Variants in PARK7 observed in about 807,000 individuals in gnomAD.
PARK7 encodes Parkinsonism associated deglycase.
Under a neutral mutation model 20.5 loss-of-function variants are expected in PARK7, and 14 were observed. The ratio of observed to expected loss-of-function variants is 0.68; its 90% CI spans 0.45 to 1.07. The LOEUF (loss-of-function observed/expected upper bound fraction) is 1.07. PARK7 is among the 50% of genes least tolerant of loss of function. PARK7 has a pLI of 0.00. For missense variants in PARK7, 234 were observed against 238.1 expected, an observed-to-expected ratio of 0.98 and a Z score of 0.11; for synonymous variants, 98 against 84.3, an observed-to-expected ratio of 1.16 and a Z score of -0.89.
chr1:7,969,875 A>T lies in PARK7; in HGVS notation c.252+471A>T, dbSNP rs139046631. Among the ~76,000 whole-genome samples the T allele has an allele frequency of 4.1e-3, 622 of 152,004 alleles. 1 individual carries two copies. Among genetic ancestry groups the T allele is most frequent in the Non-Finnish European group, 7.3e-3 (499 of 67,980 alleles). The stretch of plus-strand genomic sequence containing the variant: ...TTATAGGCGTGAGCCACCACTCCCG[A>T]CCTCAAGAAAACATTTTTAATATTT... On this transcript the variant is annotated intron_variant, in intron 4 of 6. Coordinates refer to ENST00000338639, the MANE Select transcript of PARK7 (RefSeq NM_007262.5).
intron 3 of PARK7, among the ~76,000 whole-genome samples, chr1:7,966,857 C>T (rs960318250): frequency 2.0e-5 from 3 of 152,148 alleles, no homozygotes; most frequent in African/African-American, 7.2e-5. Flanking sequence ...TGTTTCCATG[C>T]ATAATATATA....
chr1:7,973,108 A>G lies in PARK7; in HGVS notation c.322+2145A>G, dbSNP rs538046495. Among the ~76,000 whole-genome samples the G allele has an allele frequency of 2.0e-5, 3 of 152,352 alleles. No homozygotes were observed. In the South Asian group the frequency reaches 6.2e-4, roughly 32 times the overall value. On this transcript the variant is annotated intron_variant, in intron 5 of 6. Transcript: ENST00000338639. Reference sequence around the variant, plus strand: ...CATAGATATAACCCACATAAAAGCTAAAGGGATTCTAAGACCTAAATGTTT... The same window carrying G: ...CATAGATATAACCCACATAAAAGCTGAAGGGATTCTAAGACCTAAATGTTT...
At position 7,970,895 on chromosome 1, in the gene PARK7, C is replaced by G. The variant is rs1190227330; in HGVS notation, c.254C>G (p.Ser85Cys). ...TATTTTTGGTTTTCTTTTCACTAGT[C>G]TGCTGCTGTGAAGGAGATACTGAAG... The part of the protein sequence containing the change: ...GNLGAQNLSE[S>C]AAVKEILKEQ... The change falls in exon 5 of 7, where the codon TCT (serine) becomes TGT (cysteine). Residue 85 changes from serine to cysteine, a missense_variant and splice_region_variant. Coordinates refer to ENST00000338639, the MANE Select transcript of PARK7 (RefSeq NM_007262.5). 27 of 1,614,010 alleles carry G rather than the reference C, an allele frequency of 1.7e-5. No individual in the cohort carries two copies. The highest frequency in any genetic ancestry group is 2.2e-5 in the Non-Finnish European group (26 of 1,180,018).
In PARK7 at chr1:7,969,381, C is replaced by T. The variant is rs781335529; in HGVS notation, c.229C>T (p.Leu77=). ...YDVVVLPGGN[L]GAQNLSESAA... ...TGTGGTGGTTCTACCAGGAGGTAAT[C>T]TGGGCGCACAGAATTTATCTGAGGT... Residue 77 remains leucine, a synonymous_variant, in exon 4 of 7, where the codon CTG becomes TTG. Coordinates refer to ENST00000338639, the MANE Select transcript of PARK7 (RefSeq NM_007262.5). 1.2e-6 allele frequency: 2 copies of T among 1,612,554 alleles called. No individual in the cohort carries two copies. Among genetic ancestry groups the T allele is most frequent in the Non-Finnish European group, 1.7e-6 (2 of 1,179,308 alleles).
intron 3 of PARK7, among the ~76,000 whole-genome samples, chr1:7,968,183 C>T (rs971620108): frequency 4.0e-5 from 6 of 151,072 alleles, no homozygotes; most frequent in African/African-American, 1.5e-4. Flanking sequence ...TGGTGGGTAC[C>T]TGTAATCCCA....
rs761107607 is a variant in PARK7, at chr1:7,962,825, G to A, written c.40G>A (p.Ala14Thr). ...AGCTCTGGTCATCCTGGCTAAAGGAGCAGAGGAAATGGAGACGGTCATCCC... is the reference window on the plus strand; with the variant it reads ...AGCTCTGGTCATCCTGGCTAAAGGAACAGAGGAAATGGAGACGGTCATCCC... ...KRALVILAKG[A>T]EEMETVIPVD... is the part of the protein sequence containing the mutation. Residue 14 changes from alanine to threonine, a missense_variant, in exon 2 of 7, where the codon GCA becomes ACA. Physicochemically the swap from Ala to Thr is moderately conservative, Grantham distance 58. Coordinates refer to ENST00000338639, the MANE Select transcript of PARK7 (RefSeq NM_007262.5). 9.3e-6 allele frequency: 15 copies of A among 1,612,642 alleles called. No individual in the cohort carries two copies. In the Admixed American group the frequency reaches 1.8e-4, roughly 20 times the overall value.
At chr1:7,975,563 C>T (rs961108039) in intron 5 of PARK7, among the ~76,000 whole-genome samples, 2 of 152,184 alleles carry the variant, frequency 1.3e-5, no homozygotes, top group African/African-American at 2.4e-5. Flanking sequence ...GAGAGTGAAA[C>T]GTCTCTTCTC....
Position 7,984,839 on chromosome 1 carries a change from T to C in PARK7, c.410-55T>C, listed in dbSNP as rs1351193844. 2 of 1,598,184 alleles carry C rather than the reference T, an allele frequency of 1.3e-6. No homozygotes were observed. The highest frequency in any genetic ancestry group is 8.6e-7 in the Non-Finnish European group (1 of 1,166,176). ...AGTGAATTTAATTGGTAAGTAATCG[T>C]CTTTCTCGTCACATAGCCCATTAGG... On this transcript the variant is annotated intron_variant, in intron 6 of 6. Transcript: ENST00000338639. This position sits in a 1 kb window ranked among gnomAD's most constrained non-coding sequence, Gnocchi z 4.3.
At chr1:7,968,629 C>T (rs912795934) in intron 3 of PARK7, among the ~76,000 whole-genome samples, 5 of 152,078 alleles carry the variant, frequency 3.3e-5, no homozygotes, top group Admixed American at 1.3e-4. Context: ...GATTCTCCTG[C>T]CTCAACCCCC....
chr1:7,977,985 C>G (rs1231210070), intron 6 of PARK7, among the ~76,000 whole-genome samples: 1 of 53,538 alleles, frequency 1.9e-5, no homozygotes, highest in Non-Finnish European at 3.4e-5. Context: ...GTCTCAAACT[C>G]TTTTTTTTTT....
intron 4 of PARK7, 59 bp from the exon 5 acceptor site, chr1:7,970,835 G>A: frequency 2.0e-6 from 3 of 1,534,726 alleles, no homozygotes; most frequent in South Asian, 1.1e-5. Context: ...GTTTCCTAGT[G>A]AGTGATTGGT....
At chr1:7,968,796 C>T (rs1321247611) in intron 3 of PARK7, among the ~76,000 whole-genome samples, 3 of 152,190 alleles carry the variant, frequency 2.0e-5, no homozygotes, top group Non-Finnish European at 2.9e-5. Context: ...GGATTACAGA[C>T]ATGAGCCAGT....
intron 5 of PARK7, among the ~76,000 whole-genome samples, chr1:7,972,521 A>C (rs770719585): frequency 6.6e-6 from 1 of 152,192 alleles, no homozygotes; most frequent in Non-Finnish European, 1.5e-5. Context: ...TCAGAGTAGG[A>C]TGATACCATC....
intron 3 of PARK7, among the ~76,000 whole-genome samples, chr1:7,968,427 G>T (rs1640375729): frequency 6.6e-6 from 1 of 151,752 alleles, no homozygotes; most frequent in South Asian, 2.1e-4. Flanking sequence ...GGATTTTTTG[G>T]GGGGGATACT....
chr1:7,985,159 G>A lies in PARK7; in HGVS notation c.*105G>A, dbSNP rs1233818354. 11 of 1,468,498 alleles carry A rather than the reference G, an allele frequency of 7.5e-6. No homozygotes were observed. The highest frequency in any genetic ancestry group is 2.4e-5 in the South Asian group (2 of 82,380). 91.0% of individuals were successfully genotyped at this position (1,468,498 alleles called of 1,614,324 possible). A position where few individuals can be genotyped will look rare whatever the true frequency, so the allele number is the denominator to read the frequency against. On this transcript the variant is annotated 3_prime_UTR_variant, in exon 7 of 7. Transcript: ENST00000338639. ...TGGTAGGTTAATGTGTTCAGAAGTC[G>A]CTGTCCTTACTACTTTTGCGGAAGT...
rs564475595 is a variant in PARK7 at position 7,974,029 on chromosome 1, G to A, written c.322+3066G>A. Among the ~76,000 whole-genome samples the A allele has an allele frequency of 4.3e-3, 656 of 152,178 alleles. 3 individuals are homozygous for A. The highest frequency in any genetic ancestry group is 6.8e-3 in the Non-Finnish European group (465 of 68,016). ...TAAATCAACATTAAAAAATAAACAGGCTGGCTGTGGTGGCTCATAGCTGTA... is the reference window on the plus strand; with the variant it reads ...TAAATCAACATTAAAAAATAAACAGACTGGCTGTGGTGGCTCATAGCTGTA... On this transcript the variant is annotated intron_variant, in intron 5 of 6. Transcript: ENST00000338639.
At chr1:7,973,277 C>A (rs1464225690) in intron 5 of PARK7, among the ~76,000 whole-genome samples, 1 of 152,208 alleles carries the variant, frequency 6.6e-6, no homozygotes, top group Non-Finnish European at 1.5e-5. Flanking sequence ...AAGGGCACTG[C>A]AGTCACTGCA....
At chr1:7,973,923 AAAT>A (rs200771439) in intron 5 of PARK7, among the ~76,000 whole-genome samples, 7,408 of 150,634 alleles carry the variant, frequency 0.049, 884 homozygotes, top group East Asian at 0.44. Flanking sequence ...AAAAAAAAAA[AAAT>A]CAACCACATT....
chr1:7,982,464 A>G (rs1399447038), intron 6 of PARK7, among the ~76,000 whole-genome samples: 1 of 152,182 alleles, frequency 6.6e-6, no homozygotes, highest in African/African-American at 2.4e-5. Flanking sequence ...GATGGGGTGC[A>G]TGTTCTGTCT....
Sources: allele counts gnomAD v4.1 joint callset (sites outside exome capture counted in the v4.1 genomes callset), GRCh38; gene constraint gnomAD v4.1.1; non-coding constraint Gnocchi (gnomAD v3.1); transcripts MANE v1.5; gene names NCBI Gene and HGNC (gene_info 2026-07-23, HGNC 2026-07-21).